Variants in VIL1 observed in about 807,000 individuals in gnomAD.
VIL1 encodes villin-1.
In VIL1, 86 loss-of-function variants were observed where a neutral mutation model predicts 104.0. The observed-to-expected ratio is 0.83, with a 90% CI of 0.69 to 0.99. The LOEUF (loss-of-function observed/expected upper bound fraction) is 0.99, where lower values mean the gene tolerates loss of function less well. VIL1 is among the 50% of genes least tolerant of loss of function. The probability of loss-of-function intolerance (pLI) is 0.00; values close to 1 mark genes in which losing one functional copy is unlikely to be tolerated. For synonymous variants in VIL1, 394 were observed against 412.6 expected, an observed-to-expected ratio of 0.95 and a Z score of 0.55; for missense variants, 944 against 1,054.1, an observed-to-expected ratio of 0.90 and a Z score of 1.45.
In VIL1 at chr2:218,449,376, T is replaced by A. The variant is rs1315575067; in HGVS notation, c.*40T>A. On this transcript the variant is annotated 3_prime_UTR_variant, in exon 20 of 20. Transcript: ENST00000248444. ...GTTGTAAAGCAGTACCCTACCCTGA[T>A]TGTAGGGTCTCATTTTCTCACCGAT... The A allele has an allele frequency of 1.2e-5, 17 of 1,473,856 alleles. No individual in the cohort carries two copies. Among genetic ancestry groups the A allele is most frequent in the East Asian group, 2.3e-5 (1 of 44,082 alleles). The allele number at this position is 1,473,856 out of a possible 1,614,324, so 91.3% of individuals were successfully genotyped here.
intron 10 of VIL1, 77 bp downstream of exon 10, chr2:218,430,955 C>A (rs764589520): frequency 6.5e-7 from 1 of 1,536,000 alleles, no homozygotes; most frequent in South Asian, 1.2e-5. Flanking sequence ...CCACCACCCA[C>A]CCTCCTTCCC....
At chr2:218,442,484 T>C (rs576480760) in intron 19 of VIL1, among the ~76,000 whole-genome samples, 1 of 152,252 alleles carries the variant, frequency 6.6e-6, no homozygotes, top group South Asian at 2.1e-4. Context: ...CACTTTTTTT[T>C]AAATTTTAGA....
At position 218,428,061 on chromosome 2, in the gene VIL1, G is replaced by C; in HGVS notation, c.444G>C (p.Val148=). Residue 148 remains valine (V), a synonymous_variant, in exon 5 of 20, where the codon GTG becomes GTC. Coordinates refer to ENST00000248444, the MANE Select transcript of VIL1 (RefSeq NM_007127.3). ...TGCATGTCAAGGGCAAGAGGAACGT[G>C]GTAGCTGGAGAGGTAGGCAGGCCCC... ...RLLHVKGKRN[V]VAGEVEMSWK... is the part of the protein sequence containing the mutation. 6.2e-7 allele frequency: 1 copy of C among 1,614,166 alleles called. No individual in the cohort carries two copies. The highest frequency in any genetic ancestry group is 8.5e-7 in the Non-Finnish European group (1 of 1,180,022).
At chr2:218,433,936 A>T (rs973606769) in intron 13 of VIL1, among the ~76,000 whole-genome samples, 2 of 144,180 alleles carry the variant, frequency 1.4e-5, no homozygotes, top group African/African-American at 5.2e-5. Context: ...GTGGCTCACA[A>T]CTGTAATCCC....
rs773139837 is a variant in VIL1, at chr2:218,436,497, C to T, written c.1842C>T (p.Asn614=). ...CATCCTGCAGACTACAGGAAGAAAA[C>T]CTGGTCATCACCCCCCGGCTCTTTG... ...YANTKRLQEE[N]LVITPRLFEC... The change falls in exon 16 of 20, where the codon AAC becomes AAT. Residue 614 remains asparagine, a synonymous_variant. Transcript: ENST00000248444. The T allele has an allele frequency of 5.0e-6, 8 of 1,613,902 alleles. No individual in the cohort carries two copies. The South Asian group carries it at 8.8e-5, about 18-fold the overall frequency.
chr2:218,431,000 C>T (rs1028194151), intron 10 of VIL1, 122 bp downstream of exon 10: 2 of 1,324,896 alleles, frequency 1.5e-6, no homozygotes, highest in Non-Finnish European at 2.1e-6. Context: ...TTTACGCTGG[C>T]TCTGGGCTTG....
In VIL1 at chr2:218,432,161, A is replaced by G. The variant is rs762426959; in HGVS notation, c.1319A>G (p.His440Arg). The change falls in exon 12 of 20, where the codon CAT (histidine) becomes CGT (arginine). Residue 440 changes from histidine to arginine, a missense_variant. By Grantham distance (29) the His-to-Arg change is conservative. Transcript: ENST00000248444. Reference protein sequence around the residue: ...LYTYLIGEKQHYLLYVWQGSQ... With the variant: ...LYTYLIGEKQRYLLYVWQGSQ... ...ACCTACCTCATCGGCGAGAAGCAGC[A>G]TTACCTGCTCTACGTTTGGCAGGTC... 1 of 1,613,608 alleles carries G rather than the reference A, an allele frequency of 6.2e-7. No individual in the cohort carries two copies. The highest frequency in any genetic ancestry group is 1.7e-5 in the Admixed American group (1 of 59,984).
chr2:218,440,783 T>G lies in VIL1; in HGVS notation c.2291T>G (p.Leu764Arg). 6.2e-7 allele frequency: 1 copy of G among 1,614,166 alleles called. No homozygotes were observed. The highest frequency in any genetic ancestry group is 8.5e-7 in the Non-Finnish European group (1 of 1,180,020). ...AACAGCAACCTCAGTTCTGGGCCTC[T>G]GCCCATCTTCCCCCTGGAGCAGCTA... ...NANSNLSSGP[L>R]PIFPLEQLVN... The change falls in exon 19 of 20, where the codon CTG (leucine) becomes CGG (arginine). Residue 764 changes from leucine (L) to arginine (R), a missense_variant. By Grantham distance (102) the Leu-to-Arg change is moderately radical (BLOSUM62 -2). Coordinates refer to ENST00000248444, the MANE Select transcript of VIL1 (RefSeq NM_007127.3).
Position 218,431,938 on chromosome 2 carries a change from A to G in VIL1, c.1184A>G (p.Asp395Gly), listed in dbSNP as rs368438866. The G allele has an allele frequency of 4.3e-6, 7 of 1,613,780 alleles. No homozygotes were observed. The highest frequency in any genetic ancestry group is 5.1e-6 in the Non-Finnish European group (6 of 1,180,006). The change falls in exon 11 of 20, where the codon GAT becomes GGT. Residue 395 changes from aspartate (D) to glycine (G), a missense_variant. Coordinates refer to ENST00000248444, the MANE Select transcript of VIL1 (RefSeq NM_007127.3). ...GCTGCCCAGCAGAAGATGGTAGATG[A>G]TGGGAGTGGGGAAGTGCAGGTATGT... is the stretch of plus-strand genomic sequence containing the variant. ...QVAAQQKMVD[D>G]GSGEVQVWRI...
At chr2:218,436,030 G>C (rs1212276972) in intron 15 of VIL1, among the ~76,000 whole-genome samples, 3 of 152,108 alleles carry the variant, frequency 2.0e-5, no homozygotes, top group East Asian at 3.9e-4. Flanking sequence ...GTAAAGACAG[G>C]GTTTCACCAT....
chr2:218,432,130 C>T lies in VIL1; in HGVS notation c.1288C>T (p.Leu430Phe), dbSNP rs775578477. The T allele has an allele frequency of 1.9e-6, 3 of 1,613,444 alleles. No individual in the cohort carries two copies. In the South Asian group the frequency reaches 3.3e-5, roughly 18 times the overall value. Reference protein sequence around the residue: ...HFYGGDCYLLLYTYLIGEKQH... With the variant: ...HFYGGDCYLLFYTYLIGEKQH... ...CTATGGGGGCGACTGCTACCTGCTG[C>T]TCTACACCTACCTCATCGGCGAGAA... The change falls in exon 12 of 20, where the codon CTC (leucine) becomes TTC (phenylalanine). Residue 430 changes from leucine (L) to phenylalanine (F), a missense_variant. Transcript: ENST00000248444.
chr2:218,429,955 T>A lies in VIL1; in HGVS notation c.948+8T>A. ...GCCATGAGCCATGCGCTGGTAGTGG[T>A]GGGGGCGGGGGAGGGTCCAGGAGGA... On this transcript the variant is annotated splice_region_variant and intron_variant, in intron 9 of 19. Transcript: ENST00000248444. The A allele has an allele frequency of 1.7e-6, 1 of 577,718 alleles. No individual in the cohort carries two copies. Among genetic ancestry groups the A allele is most frequent in the Non-Finnish European group, 2.5e-6 (1 of 394,770 alleles). The allele number at this position is 577,718 out of a possible 1,614,324, so 35.8% of individuals were successfully genotyped here. A position where few individuals can be genotyped will look rare whatever the true frequency, so the allele number is the denominator to read the frequency against.
intron 10 of VIL1, chr2:218,431,351 CAAAAAAAAA>C: frequency 2.2e-5 from 2 of 89,194 alleles, no homozygotes; most frequent in Non-Finnish European, 4.4e-5. Context: ...AACTCCATCT[CAAAAAAAAA>C]AAAAAAAAAA....
chr2:218,428,273 T>C lies in VIL1; in HGVS notation c.503T>C (p.Leu168Pro). The stretch of plus-strand genomic sequence containing the variant: ...TTCAACCGAGGGGATGTTTTCCTCC[T>C]GGACCTTGGGAAGCTTATCATCCAG... Reference protein sequence around the residue: ...KSFNRGDVFLLDLGKLIIQWN... With the variant: ...KSFNRGDVFLPDLGKLIIQWN... Residue 168 changes from leucine to proline, a missense_variant, in exon 6 of 20, where the codon CTG becomes CCG. Leu to Pro is a moderately conservative substitution (Grantham distance 98). Transcript: ENST00000248444. The C allele has an allele frequency of 6.2e-7, 1 of 1,614,218 alleles. No homozygotes were observed. The highest frequency in any genetic ancestry group is 2.2e-5 in the East Asian group (1 of 44,884).
rs186236147 is a variant in VIL1, at chr2:218,452,682, A to G, written c.*3346A>G. On this transcript the variant is annotated 3_prime_UTR_variant, in exon 20 of 20. Coordinates refer to ENST00000248444, the MANE Select transcript of VIL1 (RefSeq NM_007127.3). Reference sequence around the variant, plus strand: ...AAGTGTACTTCTAAACCATACACACATGAAAGCTATGAAAGCAATTCAAAT... The same window carrying G: ...AAGTGTACTTCTAAACCATACACACGTGAAAGCTATGAAAGCAATTCAAAT... 1.3e-5 allele frequency: 2 copies of G among 152,350 alleles called. No individual in the cohort carries two copies. Among genetic ancestry groups the G allele is most frequent in the East Asian group, 3.9e-4 (2 of 5,192 alleles). The allele number at this position is 152,350 out of a possible 1,614,324, so 9.4% of individuals were successfully genotyped here.
chr2:218,443,811 C>T (rs548930735), intron 19 of VIL1, among the ~76,000 whole-genome samples: 3 of 151,746 alleles, frequency 2.0e-5, no homozygotes, highest in Non-Finnish European at 4.4e-5. Flanking sequence ...CACACCATCA[C>T]GCCTGGCTAA....
intron 1 of VIL1, among the ~76,000 whole-genome samples, chr2:218,420,712 C>T (rs940953853): frequency 2.6e-5 from 4 of 151,740 alleles, no homozygotes; most frequent in African/African-American, 4.8e-5. Flanking sequence ...CAGCCTCCCG[C>T]GTAGCTGGGA....
Position 218,424,298 on chromosome 2 carries a change from C to T in VIL1, c.97C>T (p.Pro33Ser). 1 of 1,614,066 alleles carries T rather than the reference C, an allele frequency of 6.2e-7. No homozygotes were observed. Among genetic ancestry groups the T allele is most frequent in the Non-Finnish European group, 8.5e-7 (1 of 1,180,026 alleles). The change falls in exon 3 of 20, where the codon CCT becomes TCT. Residue 33 changes from proline (P) to serine (S), a missense_variant. Pro to Ser is a moderately conservative substitution (Grantham distance 74, BLOSUM62 -1). Coordinates refer to ENST00000248444, the MANE Select transcript of VIL1 (RefSeq NM_007127.3). The part of the protein sequence containing the change: ...RIEAMQMVPV[P>S]SSTFGSFFDG... ...TTAGGCCATGCAGATGGTGCCTGTT[C>T]CTTCCAGCACCTTTGGAAGCTTCTT...
intron 19 of VIL1, among the ~76,000 whole-genome samples, chr2:218,443,556 G>A (rs1028686267): frequency 6.6e-5 from 10 of 152,038 alleles, no homozygotes; most frequent in African/African-American, 2.2e-4. Flanking sequence ...ATTGATGGAA[G>A]GCAGAAATGG....
Sources: gnomAD v4.1 joint callset for allele counts (sites outside exome capture counted in the v4.1 genomes callset) on GRCh38, gnomAD v4.1.1 for gene constraint, MANE v1.5 for transcripts, NCBI Gene and HGNC (gene_info 2026-07-23, HGNC 2026-07-21) for gene names.